Variants in SCCPDH observed in about 807,000 individuals in gnomAD.
The protein encoded by SCCPDH is saccharopine dehydrogenase (putative).
In SCCPDH, 34 loss-of-function variants were observed where a neutral mutation model predicts 51.5. The ratio of observed to expected loss-of-function variants is 0.66; its 90% CI spans 0.50 to 0.88. SCCPDH has a LOEUF of 0.88. Ranked by LOEUF, SCCPDH falls within the 40% of genes least tolerant of loss-of-function variation. SCCPDH has a pLI of 0.00. For synonymous variants in SCCPDH, 187 were observed against 191.3 expected, an observed-to-expected ratio of 0.98 and a Z score of 0.19; for missense variants, 464 against 527.1, an observed-to-expected ratio of 0.88 and a Z score of 1.17.
At chr1:246,745,652 G>A (rs1056966919) in intron 5 of SCCPDH, among the ~76,000 whole-genome samples, 2 of 151,626 alleles carry the variant, frequency 1.3e-5, no homozygotes, top group South Asian at 2.1e-4. Context: ...GGGATGGAAC[G>A]TGTTTAATAA....
intron 2 of SCCPDH, among the ~76,000 whole-genome samples, chr1:246,734,700 A>G (rs367877211): frequency 2.2e-4 from 33 of 152,224 alleles, no homozygotes; most frequent in African/African-American, 7.5e-4. Flanking sequence ...CTTGTTCCTC[A>G]AAGGCTGGAA....
chr1:246,741,639 G>T (rs1467209223), intron 4 of SCCPDH, among the ~76,000 whole-genome samples: 1 of 152,104 alleles, frequency 6.6e-6, no homozygotes, highest in African/African-American at 2.4e-5. Flanking sequence ...TGAGACCAAG[G>T]TTTAGCATTA....
intron 5 of SCCPDH, 65 bp downstream of exon 5, chr1:246,744,190 A>G: frequency 1.1e-6 from 1 of 946,290 alleles, no homozygotes; most frequent in South Asian, 1.5e-5. Context: ...GAAATGATAC[A>G]TGTGTCTTTT....
chr1:246,737,886 C>G (rs1668621618), intron 3 of SCCPDH, among the ~76,000 whole-genome samples: 1 of 152,078 alleles, frequency 6.6e-6, no homozygotes, highest in East Asian at 2.0e-4. Context: ...GCCACCACGC[C>G]CAGCCATAAT....
intron 2 of SCCPDH, among the ~76,000 whole-genome samples, chr1:246,731,872 C>T (rs1668497191): frequency 6.6e-6 from 1 of 151,742 alleles, no homozygotes; most frequent in African/African-American, 2.4e-5. Context: ...CTGCCCCCCA[C>T]CCCACGACAG....
At chr1:246,751,503 T>C (rs1376746982) in intron 5 of SCCPDH, among the ~76,000 whole-genome samples, 1 of 151,684 alleles carries the variant, frequency 6.6e-6, no homozygotes, top group Non-Finnish European at 1.5e-5. Flanking sequence ...CTCCTTATAA[T>C]CCTTTTACCA....
chr1:246,740,666 G>A lies in SCCPDH; in HGVS notation c.514+365G>A, dbSNP rs78315859. ...GTTAAAAGGTTTTAAATTTTTAACCGTCAAAGCTAGAAAGTATTGAACACA... is the reference window on the plus strand; with the variant it reads ...GTTAAAAGGTTTTAAATTTTTAACCATCAAAGCTAGAAAGTATTGAACACA... On this transcript the variant is annotated intron_variant, in intron 4 of 11. Coordinates refer to ENST00000366510, the MANE Select transcript of SCCPDH (RefSeq NM_016002.3). Among the ~76,000 whole-genome samples the A allele has an allele frequency of 1.3e-3, 194 of 152,290 alleles. 3 individuals are homozygous for A. In the East Asian group the frequency reaches 0.013, roughly 10 times the overall value.
At chr1:246,729,925 T>C (rs1362237248) in intron 2 of SCCPDH, among the ~76,000 whole-genome samples, 1 of 152,160 alleles carries the variant, frequency 6.6e-6, no homozygotes, top group East Asian at 1.9e-4. Flanking sequence ...CTGTTCGGGG[T>C]CCCTGACTTC....
intron 3 of SCCPDH, among the ~76,000 whole-genome samples, chr1:246,738,731 T>C (rs1345101102): frequency 6.6e-6 from 1 of 151,964 alleles, no homozygotes; most frequent in Non-Finnish European, 1.5e-5. Context: ...GCAGGTGCTG[T>C]AAACCCAGCT....
chr1:246,764,791 A>AATC (rs1192153467), intron 10 of SCCPDH, among the ~76,000 whole-genome samples: 1 of 152,266 alleles, frequency 6.6e-6, no homozygotes, highest in Non-Finnish European at 1.5e-5. Context: ...GGCTTCTGAT[A>AATC]GGTTGTTAAA....
intron 5 of SCCPDH, among the ~76,000 whole-genome samples, chr1:246,753,610 T>A (rs1401883786): frequency 2.0e-5 from 3 of 152,082 alleles, no homozygotes; most frequent in African/African-American, 7.2e-5. Context: ...ATTGTTATTG[T>A]CCCACCTGAG....
chr1:246,727,040 A>AATCC (rs1482786615), intron 2 of SCCPDH, 36 bp downstream of exon 2: 1 of 1,410,976 alleles, frequency 7.1e-7, no homozygotes, highest in Non-Finnish European at 1.0e-6. Context: ...CAGAACAAAC[A>AATCC]ATCCATTCAT....
intron 6 of SCCPDH, 71 bp from the exon 7 acceptor site, chr1:246,758,963 C>T (rs1236923005): frequency 1.1e-6 from 1 of 895,606 alleles, no homozygotes; most frequent in Non-Finnish European, 1.9e-6. Context: ...CACTGATTTG[C>T]TTATTCAGAC....
At chr1:246,752,760 A>T (rs890754474) in intron 5 of SCCPDH, among the ~76,000 whole-genome samples, 2 of 151,892 alleles carry the variant, frequency 1.3e-5, no homozygotes. Context: ...ATCAATATAG[A>T]GGCGTAAGCC....
At chr1:246,741,377 G>C (rs544345109) in intron 4 of SCCPDH, among the ~76,000 whole-genome samples, 2 of 151,480 alleles carry the variant, frequency 1.3e-5, no homozygotes, top group Non-Finnish European at 2.9e-5. Flanking sequence ...GTAGCTCACC[G>C]TAACGAATGC....
chr1:246,735,063 C>T (rs764495620), intron 2 of SCCPDH, among the ~76,000 whole-genome samples: 2 of 152,184 alleles, frequency 1.3e-5, no homozygotes, highest in Non-Finnish European at 2.9e-5. Flanking sequence ...GTCAGGAAAT[C>T]CAGTCATTTC....
chr1:246,765,210 GAGACAGACAGGTCCA>G, intron 10 of SCCPDH, among the ~76,000 whole-genome samples: 1 of 143,726 alleles, frequency 7.0e-6, no homozygotes, highest in Non-Finnish European at 1.6e-5. Flanking sequence ...ATTACTGTCA[GAGACAGACAGGTCCA>G]CTTGTGAACT....
rs192594210 is a variant in SCCPDH, at chr1:246,735,289, C to T, written c.304-686C>T. ...ACTTCCTACTCAAGTGAATTTGATT[C>T]CTGCTTCAAGCAACAGGAACAGCTC... On this transcript the variant is annotated intron_variant, in intron 2 of 11. Transcript: ENST00000366510. Among the ~76,000 whole-genome samples the T allele has an allele frequency of 8.0e-4, 122 of 152,340 alleles. 1 individual carries two copies. The highest frequency in any genetic ancestry group is 2.8e-3 in the African/African-American group (118 of 41,578).
chr1:246,741,422 A>G (rs917633389), intron 4 of SCCPDH, among the ~76,000 whole-genome samples: 3 of 152,114 alleles, frequency 2.0e-5, no homozygotes, highest in African/African-American at 4.8e-5. Flanking sequence ...ACAACCTCCT[A>G]AGTAGCTAGG....
Sources: allele counts gnomAD v4.1 joint callset (sites outside exome capture counted in the v4.1 genomes callset), GRCh38; gene constraint gnomAD v4.1.1; transcripts MANE v1.5; gene names NCBI Gene and HGNC (gene_info 2026-07-23, HGNC 2026-07-21).